ADAM29: variants seen among roughly 807,000 people sequenced by gnomAD.
ADAM29 encodes ADAM metallopeptidase domain 29, also known as disintegrin and metalloproteinase domain-containing protein 29.
For missense variants in ADAM29, 969 were observed against 1,001.8 expected, an observed-to-expected ratio of 0.97 and a Z score of 0.44; for synonymous variants, 367 against 342.3, an observed-to-expected ratio of 1.07 and a Z score of -0.80.
chr4:174,929,347 T>C (rs1041027082), intron 2 of ADAM29, among the ~76,000 whole-genome samples: 1 of 152,176 alleles, frequency 6.6e-6, no homozygotes, highest in Non-Finnish European at 1.5e-5. Flanking sequence ...CTCTTTTTGA[T>C]CACTTTGTAA....
At chr4:174,947,667 G>C (rs1217097334) in intron 4 of ADAM29, among the ~76,000 whole-genome samples, 1 of 152,134 alleles carries the variant, frequency 6.6e-6, no homozygotes, top group African/African-American at 2.4e-5. Context: ...TGATTGTATG[G>C]TCAATATTAG....
chr4:174,952,685 G>A (rs114932033), intron 4 of ADAM29, among the ~76,000 whole-genome samples: 104 of 152,048 alleles, frequency 6.8e-4, no homozygotes, highest in Non-Finnish European at 8.4e-4. Context: ...CTGAGTATCC[G>A]TACATGTGTT....
chr4:174,962,654 T>C (rs565068176), intron 4 of ADAM29, among the ~76,000 whole-genome samples: 30 of 152,278 alleles, frequency 2.0e-4, no homozygotes, highest in African/African-American at 7.2e-4. Flanking sequence ...AAATGATAAC[T>C]GTGTTAGGTT....
At chr4:174,949,648 T>C (rs988336368) in intron 4 of ADAM29, among the ~76,000 whole-genome samples, 4 of 151,852 alleles carry the variant, frequency 2.6e-5, no homozygotes, top group African/African-American at 9.7e-5. Flanking sequence ...AAGATCTACT[T>C]GTAGGATGCC....
intron 1 of ADAM29, chr4:174,919,008 C>A (rs1294512438): frequency 6.6e-6 from 1 of 152,050 alleles, no homozygotes; most frequent in Non-Finnish European, 1.5e-5. Flanking sequence ...TGACTTAGGG[C>A]TTATTGAGAT....
chr4:174,936,185 A>G (rs1206978410), intron 3 of ADAM29, among the ~76,000 whole-genome samples: 2 of 152,048 alleles, frequency 1.3e-5, no homozygotes, highest in African/African-American at 2.4e-5. Flanking sequence ...AAATCCAGCA[A>G]TCAACTTGCA....
At chr4:174,971,644 C>A (rs1560892111) in intron 4 of ADAM29, among the ~76,000 whole-genome samples, 1 of 152,032 alleles carries the variant, frequency 6.6e-6, no homozygotes, top group East Asian at 1.9e-4. Flanking sequence ...TTGTTTTTGA[C>A]TTTTTACAAT....
At chr4:174,931,960 A>C (rs915366593) in intron 3 of ADAM29, among the ~76,000 whole-genome samples, 1 of 152,178 alleles carries the variant, frequency 6.6e-6, no homozygotes, top group Non-Finnish European at 1.5e-5. Flanking sequence ...TTTCATTGAA[A>C]TGAAATATTT....
intron 4 of ADAM29, among the ~76,000 whole-genome samples, chr4:174,964,367 C>T (rs1420896720): frequency 6.6e-6 from 1 of 152,030 alleles, no homozygotes; most frequent in Admixed American, 6.6e-5. Context: ...GAAACCAAAC[C>T]TGCCAACACT....
intron 4 of ADAM29, among the ~76,000 whole-genome samples, chr4:174,950,195 G>T (rs530428431): frequency 3.3e-5 from 5 of 152,072 alleles, no homozygotes; most frequent in African/African-American, 1.2e-4. Context: ...CCCACTCCAT[G>T]CCCATGATTT....
intron 4 of ADAM29, among the ~76,000 whole-genome samples, chr4:174,941,920 G>C (rs1247868643): frequency 2.0e-5 from 3 of 152,152 alleles, no homozygotes; most frequent in Non-Finnish European, 2.9e-5. Context: ...AGATACAAAG[G>C]GGGTAGAGGA....
chr4:174,932,701 C>T (rs545563137), intron 3 of ADAM29, among the ~76,000 whole-genome samples: 2 of 152,238 alleles, frequency 1.3e-5, no homozygotes, highest in South Asian at 4.2e-4. Flanking sequence ...TTTTTCCCAT[C>T]CTTCTTTTCC....
chr4:174,960,482 G>T (rs1484538798), intron 4 of ADAM29, among the ~76,000 whole-genome samples: 1 of 151,982 alleles, frequency 6.6e-6, no homozygotes, highest in Non-Finnish European at 1.5e-5. Flanking sequence ...TGTGGACTTT[G>T]TGTATGTATC....
intron 4 of ADAM29, among the ~76,000 whole-genome samples, chr4:174,957,681 T>G (rs1448351759): frequency 6.6e-6 from 1 of 151,756 alleles, no homozygotes; most frequent in Admixed American, 6.6e-5. Flanking sequence ...TAGAGGGCTG[T>G]TTGGGTACCC....
chr4:174,946,118 C>T (rs1744836673), intron 4 of ADAM29, among the ~76,000 whole-genome samples: 1 of 152,114 alleles, frequency 6.6e-6, no homozygotes, highest in African/African-American at 2.4e-5. Flanking sequence ...TCTTTCTCTC[C>T]ATGAGCACAG....
intron 4 of ADAM29, among the ~76,000 whole-genome samples, chr4:174,942,392 A>G (rs1744588198): frequency 6.6e-6 from 1 of 152,196 alleles, no homozygotes; most frequent in Non-Finnish European, 1.5e-5. Context: ...CTGCCTGGAC[A>G]TCGGGACATT....
rs1560899653 is a variant in ADAM29 at position 174,977,231 on chromosome 4, C to G, written c.1706C>G (p.Thr569Ser). Residue 569 changes from threonine to serine, a missense_variant, in exon 5 of 5, where the codon ACT (threonine) becomes AGT (serine). By Grantham distance (58) the Thr-to-Ser change is moderately conservative. Transcript: ENST00000359240. ...GAAATTCCCAATATGAGTGATCATA[C>G]TACTGTGCATTGGGCTCGCTTCAAT... ...VTEIPNMSDH[T>S]TVHWARFNDI... The G allele has an allele frequency of 6.2e-7, 1 of 1,613,948 alleles. No homozygotes were observed. Among genetic ancestry groups the G allele is most frequent in the Non-Finnish European group, 8.5e-7 (1 of 1,180,038 alleles).
At position 174,945,411 on chromosome 4, in the gene ADAM29, T is replaced by C. The variant is rs1560873066; in HGVS notation, c.-181+8398T>C. On this transcript the variant is annotated intron_variant, in intron 4 of 4. Coordinates refer to ENST00000359240, the MANE Select transcript of ADAM29 (RefSeq NM_014269.4). Reference sequence around the variant, plus strand: ...GGATATTAGACCTTTGTCAGATGCATAGTTTGCAAATATTTTCTCCCCTTC... The same window carrying C: ...GGATATTAGACCTTTGTCAGATGCACAGTTTGCAAATATTTTCTCCCCTTC... Among the ~76,000 whole-genome samples, 2 of 152,188 alleles carry C rather than the reference T, an allele frequency of 1.3e-5. 1 individual carries two copies. Among genetic ancestry groups the C allele is most frequent in the South Asian group, 4.1e-4 (2 of 4,830 alleles).
intron 4 of ADAM29, among the ~76,000 whole-genome samples, chr4:174,967,281 T>C (rs1261280662): frequency 6.6e-6 from 1 of 152,190 alleles, no homozygotes; most frequent in Non-Finnish European, 1.5e-5. Context: ...TTCATCTCAA[T>C]CATTGAGGTA....
Sources: allele counts gnomAD v4.1 joint callset (sites outside exome capture counted in the v4.1 genomes callset), GRCh38; gene constraint gnomAD v4.1.1; transcripts MANE v1.5; gene names NCBI Gene and HGNC (gene_info 2026-07-23, HGNC 2026-07-21).